MAD1L1: variants seen among roughly 807,000 people sequenced by gnomAD.
MAD1L1 encodes mitotic arrest deficient 1 like 1.
MAD1L1 carries 95 observed loss-of-function variants against 96.9 expected under a neutral mutation model. That is an observed-to-expected ratio of 0.98 (90% CI 0.83 to 1.16). The LOEUF (loss-of-function observed/expected upper bound fraction) is 1.16. MAD1L1 is among the 50% of genes most tolerant of loss of function. The probability of loss-of-function intolerance (pLI) is 0.00; values close to 1 mark genes in which losing one functional copy is unlikely to be tolerated. For synonymous variants in MAD1L1, 473 were observed against 396.6 expected, an observed-to-expected ratio of 1.19 and a Z score of -2.29; for missense variants, 1,007 against 954.4, an observed-to-expected ratio of 1.06 and a Z score of -0.73.
chr7:1,990,118 G>T (rs1364080090), intron 14 of MAD1L1, among the ~76,000 whole-genome samples: 1 of 152,222 alleles, frequency 6.6e-6, no homozygotes, highest in South Asian at 2.1e-4. Flanking sequence ...GCGTGCACCC[G>T]CCGCCTCATC....
chr7:1,819,274 C>T (rs1017497005), intron 18 of MAD1L1, among the ~76,000 whole-genome samples: 2 of 152,172 alleles, frequency 1.3e-5, no homozygotes, highest in African/African-American at 4.8e-5. Context: ...TCTGAGGCTG[C>T]CTGCGCGCAG....
intron 10 of MAD1L1, among the ~76,000 whole-genome samples, chr7:2,155,044 G>C (rs1789757919): frequency 6.6e-6 from 1 of 152,206 alleles, no homozygotes; most frequent in South Asian, 2.1e-4. Context: ...CTCTCAGAGA[G>C]GCTTGCACGG....
At chr7:1,946,667 G>A (rs557396572) in intron 16 of MAD1L1, among the ~76,000 whole-genome samples, 8 of 152,352 alleles carry the variant, frequency 5.3e-5, no homozygotes, top group East Asian at 1.9e-4. Context: ...CGGGTGCAGC[G>A]GGAGAATGCT....
intron 10 of MAD1L1, among the ~76,000 whole-genome samples, chr7:2,211,278 GCCCT>G (rs1215581808): frequency 6.6e-6 from 1 of 152,090 alleles, no homozygotes; most frequent in East Asian, 1.9e-4. Flanking sequence ...GGGCCAGCAT[GCCCT>G]CATGCTGGCC....
chr7:2,208,486 G>C (rs1287850890), intron 10 of MAD1L1, among the ~76,000 whole-genome samples: 2 of 152,158 alleles, frequency 1.3e-5, no homozygotes, highest in African/African-American at 4.8e-5. Context: ...CTCCATGTCA[G>C]GGATGCAGTC....
chr7:1,994,608 T>G (rs1283871025), intron 14 of MAD1L1, among the ~76,000 whole-genome samples: 12 of 151,760 alleles, frequency 7.9e-5, no homozygotes, highest in Non-Finnish European at 1.5e-4. Flanking sequence ...CATGCTGAAA[T>G]CCTAGGAGGG....
At chr7:1,911,560 C>T (rs1026767670) in intron 17 of MAD1L1, among the ~76,000 whole-genome samples, 23 of 152,352 alleles carry the variant, frequency 1.5e-4, no homozygotes, top group Middle Eastern at 3.4e-3. Context: ...CACAATGTGG[C>T]GGGCACATTT....
intron 12 of MAD1L1, among the ~76,000 whole-genome samples, chr7:2,025,326 G>A (rs1043725152): frequency 6.6e-6 from 1 of 152,240 alleles, no homozygotes; most frequent in Non-Finnish European, 1.5e-5. Flanking sequence ...AGAAGCAACA[G>A]TGAGACTGAC....
At chr7:1,849,539 G>A (rs1381901551) in intron 18 of MAD1L1, 1 of 152,240 alleles carries the variant, frequency 6.6e-6, no homozygotes, top group African/African-American at 2.4e-5. Context: ...ACCTCACTGA[G>A]GTGGCCGACT....
chr7:1,996,127 G>C (rs915977868), intron 14 of MAD1L1, among the ~76,000 whole-genome samples: 1 of 152,136 alleles, frequency 6.6e-6, no homozygotes, highest in Non-Finnish European at 1.5e-5. Context: ...GGGCCCTGCC[G>C]GTCTACACAC....
intron 17 of MAD1L1, among the ~76,000 whole-genome samples, chr7:1,925,436 G>A (rs1244006930): frequency 1.3e-5 from 2 of 152,208 alleles, no homozygotes; most frequent in African/African-American, 4.8e-5. Context: ...TAGGCTCACA[G>A]TTCTGGAGGC....
chr7:1,936,353 T>C (rs1778605026), intron 17 of MAD1L1, among the ~76,000 whole-genome samples: 1 of 152,254 alleles, frequency 6.6e-6, no homozygotes, highest in South Asian at 2.1e-4. Context: ...GGACTTGTTT[T>C]CGTGGAGGAC....
intron 18 of MAD1L1, among the ~76,000 whole-genome samples, chr7:1,870,633 C>T (rs1785016893): frequency 6.7e-6 from 1 of 148,860 alleles, no homozygotes; most frequent in Non-Finnish European, 1.5e-5. Flanking sequence ...ATATGCCTGC[C>T]ACGCTGAACC....
chr7:2,122,800 C>A (rs1388823005), intron 11 of MAD1L1, among the ~76,000 whole-genome samples: 1 of 152,228 alleles, frequency 6.6e-6, no homozygotes, highest in Non-Finnish European at 1.5e-5. Context: ...CACCCCCAGG[C>A]GCAGCTGGGA....
intron 16 of MAD1L1, among the ~76,000 whole-genome samples, chr7:1,955,537 C>G (rs559422405): frequency 1.3e-5 from 2 of 152,184 alleles, no homozygotes; most frequent in African/African-American, 4.8e-5. Context: ...GCAATCCACC[C>G]GCCTCAGCCT....
rs745965620 is a variant in MAD1L1 at position 2,222,762 on chromosome 7, G to C, written c.292-8C>G. 8 of 1,579,230 alleles carry C rather than the reference G, an allele frequency of 5.1e-6. No individual in the cohort carries two copies. In the Admixed American group the frequency reaches 1.4e-4, roughly 27 times the overall value. On this transcript the variant is annotated splice_polypyrimidine_tract_variant and splice_region_variant and intron_variant, in intron 4 of 18. Transcript: ENST00000265854. ...GTTGCGGTCGACCTCACGCTGTTAAGAGAGCAAGAGTCAGATGCCACGTGC... is the reference window on the plus strand; with the variant it reads ...GTTGCGGTCGACCTCACGCTGTTAACAGAGCAAGAGTCAGATGCCACGTGC...
intron 14 of MAD1L1, among the ~76,000 whole-genome samples, chr7:2,000,605 T>A (rs1165216557): frequency 6.6e-6 from 1 of 152,110 alleles, no homozygotes; most frequent in Non-Finnish European, 1.5e-5. Flanking sequence ...CCCGGGAGAA[T>A]GCGGCTCCTC....
chr7:1,938,400 G>A (rs1312246947), intron 16 of MAD1L1, among the ~76,000 whole-genome samples: 2 of 152,120 alleles, frequency 1.3e-5, no homozygotes, highest in Admixed American at 1.3e-4. Context: ...TTCAGGAAGT[G>A]CTGGCCGTAA....
intron 17 of MAD1L1, among the ~76,000 whole-genome samples, chr7:1,904,458 T>C (rs1787490047): frequency 7.1e-6 from 1 of 139,864 alleles, no homozygotes; most frequent in Non-Finnish European, 1.5e-5. Context: ...GAACTCATAA[T>C]TGATCAAGCA....
Sources: allele counts gnomAD v4.1 joint callset (sites outside exome capture counted in the v4.1 genomes callset), GRCh38; gene constraint gnomAD v4.1.1; transcripts MANE v1.5; gene names NCBI Gene and HGNC (gene_info 2026-07-23, HGNC 2026-07-21).